The following CDH23 variants were observed in gnomAD, a reference collection of about 807,000 sequenced individuals.
CDH23 encodes cadherin related 23.
In CDH23, 189 loss-of-function variants were observed where a neutral mutation model predicts 317.1. The ratio of observed to expected loss-of-function variants is 0.60; its 90% CI spans 0.53 to 0.67. The LOEUF is 0.67. CDH23 is among the 30% of genes least tolerant of loss of function. The pLI is 0.00. For synonymous variants in CDH23, 1,839 were observed against 1,876.8 expected (o/e 0.98, Z 0.52); for missense variants, 4,401 against 4,592.4 (o/e 0.96, Z 1.20).
intron 11 of CDH23, among the ~76,000 whole-genome samples, chr10:71,631,888 C>G (rs1267614186): frequency 2.6e-5 from 4 of 152,234 alleles, no homozygotes; most frequent in Admixed American, 6.5e-5. Context: ...AAAGAAGCCA[C>G]TCGCTATTGC....
At chr10:71,646,314 G>T (rs901375677) in intron 13 of CDH23, 145 bp from the exon 14 acceptor site, 7 of 1,278,434 alleles carry the variant, frequency 5.5e-6, no homozygotes, top group Admixed American at 2.4e-5. Context: ...AGACGGGCTC[G>T]CAGTAGCACA....
chr10:71,612,634 G>T (rs1860968384), intron 9 of CDH23, among the ~76,000 whole-genome samples: 1 of 152,078 alleles, frequency 6.6e-6, no homozygotes, highest in South Asian at 2.1e-4. Flanking sequence ...CTGGGATGCT[G>T]TCTGTGGGGG....
intron 44 of CDH23, among the ~76,000 whole-genome samples, chr10:71,787,441 C>G (rs768300041): frequency 1.3e-5 from 2 of 151,350 alleles, no homozygotes; most frequent in Admixed American, 6.6e-5. Context: ...CCAAAACTAC[C>G]TATTATGTCC....
At chr10:71,455,683 G>A (rs1206643241) in intron 3 of CDH23, among the ~76,000 whole-genome samples, 2 of 152,306 alleles carry the variant, frequency 1.3e-5, no homozygotes, top group East Asian at 1.9e-4. Flanking sequence ...TGTAACAGGT[G>A]CTAAGGAAGA....
In CDH23 at chr10:71,523,665, A is replaced by G. The variant is rs1476845490; in HGVS notation, c.429+12453A>G. Among the ~76,000 whole-genome samples the G allele has an allele frequency of 3.9e-5, 6 of 152,088 alleles. No homozygotes were observed. In the South Asian group the frequency reaches 6.2e-4, roughly 16 times the overall value. On this transcript the variant is annotated intron_variant, in intron 6 of 69. Transcript: ENST00000224721. The stretch of plus-strand genomic sequence containing the variant: ...AACCGTTGCTGTGCAGAAGGGAGGG[A>G]TGGGGCAGGTCACTGGTGAGGGGCA...
At position 71,815,257 on chromosome 10, in the gene CDH23, C is replaced by A; in HGVS notation, c.10044C>A (p.Pro3348=). ...HKLRDVIMET[P]LEITEL is the part of the protein sequence containing the mutation. ...TTCGCGACGTGATCATGGAGACCCC[C>A]CTGGAGATCACAGAGCTGTGACTAG... The change falls in exon 70 of 70, where the codon CCC becomes CCA. Residue 3348 remains proline (P), a synonymous_variant. Transcript: ENST00000224721. 1 of 1,578,944 alleles carries A rather than the reference C, an allele frequency of 6.3e-7. No individual in the cohort carries two copies. Among genetic ancestry groups the A allele is most frequent in the Non-Finnish European group, 8.6e-7 (1 of 1,158,108 alleles).
chr10:71,658,206 A>C (rs1863498198), intron 14 of CDH23, among the ~76,000 whole-genome samples: 1 of 152,120 alleles, frequency 6.6e-6, no homozygotes, highest in Non-Finnish European at 1.5e-5. Flanking sequence ...TCTGTCTTTG[A>C]AACCTAAATG....
intron 3 of CDH23, among the ~76,000 whole-genome samples, chr10:71,452,765 G>A (rs1281254793): frequency 1.3e-5 from 2 of 152,180 alleles, no homozygotes; most frequent in African/African-American, 4.8e-5. Flanking sequence ...ACAAGACTGA[G>A]GAGTGCTAAT....
At chr10:71,654,299 G>GC (rs1294916881) in intron 14 of CDH23, among the ~76,000 whole-genome samples, 1 of 152,172 alleles carries the variant, frequency 6.6e-6, no homozygotes, top group Non-Finnish European at 1.5e-5. Flanking sequence ...GGGCCCTGCA[G>GC]CTTACGTGGC....
At chr10:71,739,574 T>TC (rs1839678364) in intron 35 of CDH23, 70 bp from the exon 36 acceptor site, 1 of 1,553,616 alleles carries the variant, frequency 6.4e-7, no homozygotes, top group African/African-American at 1.4e-5. Context: ...GACCAGGGAG[T>TC]CCCCCTTGGC....
At chr10:71,511,275 G>A (rs942035305) in intron 6 of CDH23, 63 bp downstream of exon 6, 12 of 1,422,176 alleles carry the variant, frequency 8.4e-6, no homozygotes, top group Non-Finnish European at 1.2e-5. Context: ...GACCACCATG[G>A]TGTAGGTGAA....
intron 45 of CDH23, 102 bp downstream of exon 45, chr10:71,789,144 A>C: frequency 1.5e-6 from 1 of 665,882 alleles, no homozygotes; most frequent in Non-Finnish European, 2.7e-6. Flanking sequence ...AGCTGAACCT[A>C]GACCCCAGTG....
rs574235458 is a variant in CDH23, at chr10:71,712,560, G to C, written c.3221-105G>C. 126 of 1,357,026 alleles carry C rather than the reference G, an allele frequency of 9.3e-5. 2 individuals carry two copies. The South Asian group carries it at 1.6e-3, about 17-fold the overall frequency. 84.1% of individuals were successfully genotyped at this position (1,357,026 alleles called of 1,614,324 possible). A position where few individuals can be genotyped will look rare whatever the true frequency, so the allele number is the denominator to read the frequency against. Reference sequence around the variant, plus strand: ...TGCAAAGGCTAGGGCAGATGGGGCGGAACAGGGCACCTCTCTGGCCGGTGC... The same window carrying C: ...TGCAAAGGCTAGGGCAGATGGGGCGCAACAGGGCACCTCTCTGGCCGGTGC... On this transcript the variant is annotated intron_variant, in intron 27 of 69. Transcript: ENST00000224721.
In CDH23 at chr10:71,732,484, T is replaced by C. The variant is rs1294780405; in HGVS notation, c.4104+109T>C. On this transcript the variant is annotated intron_variant, in intron 32 of 69. Coordinates refer to ENST00000224721, the MANE Select transcript of CDH23 (RefSeq NM_022124.6). ...TCTTTGTCATAAAATGTCCTTGAGATGGCCAAGTGTGGTGTTAGGTACCTG... is the reference window on the plus strand; with the variant it reads ...TCTTTGTCATAAAATGTCCTTGAGACGGCCAAGTGTGGTGTTAGGTACCTG... The C allele has an allele frequency of 2.1e-6, 3 of 1,462,420 alleles. No homozygotes were observed. The African/African-American group carries it at 4.2e-5, about 20-fold the overall frequency. 90.6% of individuals were successfully genotyped at this position (1,462,420 alleles called of 1,614,324 possible).
intron 41 of CDH23, among the ~76,000 whole-genome samples, chr10:71,780,882 C>G (rs1256367979): frequency 6.6e-6 from 1 of 152,038 alleles, no homozygotes; most frequent in Non-Finnish European, 1.5e-5. Context: ...GTGGCCACCT[C>G]TGGTGTAATT....
At chr10:71,728,612 G>T (rs913343140) in intron 30 of CDH23, among the ~76,000 whole-genome samples, 1 of 152,154 alleles carries the variant, frequency 6.6e-6, no homozygotes, top group African/African-American at 2.4e-5. Context: ...CCCTCCCTTA[G>T]TGCTGGTCAC....
chr10:71,428,283 A>C (rs1054592717), intron 1 of CDH23, among the ~76,000 whole-genome samples: 1 of 147,210 alleles, frequency 6.8e-6, no homozygotes, highest in African/African-American at 2.5e-5. Flanking sequence ...AATTACAGGG[A>C]TGCATCACCA....
At chr10:71,662,830 T>C (rs1402897902) in intron 14 of CDH23, among the ~76,000 whole-genome samples, 1 of 152,184 alleles carries the variant, frequency 6.6e-6, no homozygotes, top group Non-Finnish European at 1.5e-5. Context: ...ACTACAGAAA[T>C]GTATTCTCCT....
intron 6 of CDH23, among the ~76,000 whole-genome samples, chr10:71,545,549 A>G (rs1000043803): frequency 4.6e-5 from 7 of 152,076 alleles, no homozygotes; most frequent in African/African-American, 1.7e-4. Context: ...CCATCTTCCT[A>G]TTTGCTATCA....
Sources: gnomAD v4.1 joint callset for allele counts (sites outside exome capture counted in the v4.1 genomes callset) on GRCh38, gnomAD v4.1.1 for gene constraint, MANE v1.5 for transcripts, NCBI Gene and HGNC (gene_info 2026-07-23, HGNC 2026-07-21) for gene names.